STARD13: variants seen among roughly 807,000 people sequenced by gnomAD.
STARD13 encodes the protein StAR related lipid transfer domain containing 13, also known as stAR-related lipid transfer protein 13.
A neutral mutation model predicts 106.4 loss-of-function variants in STARD13; 62 were observed. The ratio of observed to expected loss-of-function variants is 0.58; its 90% CI spans 0.48 to 0.72. STARD13 has a LOEUF of 0.72. Among genes scored for constraint, STARD13 ranks in the 30% least tolerant of loss-of-function variants. The probability of loss-of-function intolerance (pLI) is 0.00; values close to 1 mark genes in which losing one functional copy is unlikely to be tolerated. For missense variants in STARD13, 1,387 were observed against 1,424.0 expected (o/e 0.97, Z 0.42); for synonymous variants, 565 against 553.0 (o/e 1.02, Z -0.31).
chr13:33,127,385 T>A lies in STARD13; in HGVS notation c.1910A>T (p.His637Leu), dbSNP rs968261356. The A allele has an allele frequency of 6.3e-7, 1 of 1,599,736 alleles. No homozygotes were observed. The highest frequency in any genetic ancestry group is 1.3e-5 in the African/African-American group (1 of 74,346). Reference sequence around the variant, plus strand: ...ATGTGCTACGCACCATGTCCAGCCGTGCTTGTTGGACATGGAGTGCTTCTC... The same window carrying A: ...ATGTGCTACGCACCATGTCCAGCCGAGCTTGTTGGACATGGAGTGCTTCTC... ...IMEKHSMSNKHGWTWSVPKFM... is the reference protein window; with the variant it reads ...IMEKHSMSNKLGWTWSVPKFM... Residue 637 changes from histidine (H) to leucine (L), a missense_variant, in exon 6 of 14, where the codon CAC becomes CTC. By Grantham distance (99) the His-to-Leu change is moderately conservative (BLOSUM62 -3). Transcript: ENST00000336934.
upstream of STARD13, among the ~76,000 whole-genome samples, chr13:33,351,741 A>G (rs945394983): frequency 2.6e-5 from 4 of 152,242 alleles, no homozygotes; most frequent in East Asian, 3.8e-4. Context: ...AAGCTGCCAC[A>G]TAAGAACCAA....
chr13:33,491,460 C>T, the STARD13 span, among the ~76,000 whole-genome samples: 7 of 151,970 alleles, frequency 4.6e-5, no homozygotes, highest in Non-Finnish European at 5.9e-5. Context: ...TTGTTTTTTT[C>T]TTTTTAAAAT....
At chr13:33,330,114 A>G (rs567928770) in intron 1 of STARD13, among the ~76,000 whole-genome samples, 2 of 152,112 alleles carry the variant, frequency 1.3e-5, no homozygotes, top group Non-Finnish European at 1.5e-5. Flanking sequence ...GCTCTTTACA[A>G]TCCTGTAGGA....
chr13:33,647,277 A>G, the STARD13 span, among the ~76,000 whole-genome samples: 1 of 152,166 alleles, frequency 6.6e-6, no homozygotes, highest in Non-Finnish European at 1.5e-5. Context: ...ATCCCATGGG[A>G]CTCAAAAAAA....
At chr13:33,244,348 C>G (rs1889716979) in intron 1 of STARD13, among the ~76,000 whole-genome samples, 1 of 152,032 alleles carries the variant, frequency 6.6e-6, no homozygotes, top group Non-Finnish European at 1.5e-5. Context: ...AATCCAGGTC[C>G]TCTGAACTTC....
chr13:33,434,453 C>T, the STARD13 span, among the ~76,000 whole-genome samples: 1 of 151,418 alleles, frequency 6.6e-6, no homozygotes, highest in Non-Finnish European at 1.5e-5. Flanking sequence ...ACATTTTTGA[C>T]CCTTACTGTT....
the STARD13 span, among the ~76,000 whole-genome samples, chr13:33,540,523 G>A: frequency 6.6e-6 from 1 of 152,282 alleles, no homozygotes; most frequent in East Asian, 1.9e-4. Flanking sequence ...ACACTACTTA[G>A]AACTTCTAGC....
chr13:33,238,730 A>G (rs1889318363), intron 1 of STARD13, among the ~76,000 whole-genome samples: 1 of 152,092 alleles, frequency 6.6e-6, no homozygotes, highest in Admixed American at 6.5e-5. Context: ...GAGTTGATTA[A>G]TTTGTAGCAA....
chr13:33,247,361 C>T (rs979984227), intron 1 of STARD13, among the ~76,000 whole-genome samples: 3 of 152,044 alleles, frequency 2.0e-5, no homozygotes, highest in African/African-American at 4.8e-5. Flanking sequence ...GTACTCAATT[C>T]AGCAGGCGAT....
the STARD13 span, among the ~76,000 whole-genome samples, chr13:33,442,059 C>G: frequency 3.9e-5 from 6 of 152,222 alleles, no homozygotes; most frequent in African/African-American, 1.2e-4. Context: ...GACTATTTGA[C>G]CTGGAATAAG....
the STARD13 span, among the ~76,000 whole-genome samples, chr13:33,511,870 G>A: frequency 6.6e-6 from 1 of 152,208 alleles, no homozygotes; most frequent in South Asian, 2.1e-4. Context: ...TTATACACTA[G>A]CCCCATGTAA....
At chr13:33,321,058 A>T (rs898183495) in intron 1 of STARD13, among the ~76,000 whole-genome samples, 2 of 152,216 alleles carry the variant, frequency 1.3e-5, no homozygotes, top group Non-Finnish European at 2.9e-5. Flanking sequence ...TTAAAATAAC[A>T]TTGAATGTAT....
intron 1 of STARD13, among the ~76,000 whole-genome samples, chr13:33,238,616 T>C (rs1889313074): frequency 6.6e-6 from 1 of 152,122 alleles, no homozygotes; most frequent in Admixed American, 6.5e-5. Flanking sequence ...CAAGGAACAG[T>C]AGAAAATCTA....
chr13:33,120,920 T>C (rs1876186719), intron 7 of STARD13, among the ~76,000 whole-genome samples: 1 of 152,138 alleles, frequency 6.6e-6, no homozygotes, highest in Non-Finnish European at 1.5e-5. Flanking sequence ...TTACATTTTT[T>C]AGTAGAGACA....
chr13:33,629,316 A>G, the STARD13 span, among the ~76,000 whole-genome samples: 1 of 152,258 alleles, frequency 6.6e-6, no homozygotes, highest in Admixed American at 6.5e-5. Flanking sequence ...GGACACTATT[A>G]CTTAGACTGT....
At chr13:33,663,948 C>T in the STARD13 span, among the ~76,000 whole-genome samples, 1,782 of 152,316 alleles carry the variant, frequency 0.012, 31 homozygotes, top group African/African-American at 0.039. Context: ...CAGTTCTGCC[C>T]TCATCACTCT....
intron 1 of STARD13, among the ~76,000 whole-genome samples, chr13:33,181,879 A>T (rs1594061011): frequency 6.6e-6 from 1 of 151,768 alleles, no homozygotes; most frequent in East Asian, 1.9e-4. Context: ...GTAATGAGAG[A>T]TTTAGTCTTG....
At chr13:33,271,633 G>A (rs1891166447) in intron 1 of STARD13, 1 of 152,252 alleles carries the variant, frequency 6.6e-6, no homozygotes, top group Non-Finnish European at 1.5e-5. Flanking sequence ...TGATGCCTTG[G>A]ACATTTACTT....
chr13:33,609,712 A>G, the STARD13 span, among the ~76,000 whole-genome samples: 3 of 151,608 alleles, frequency 2.0e-5, no homozygotes, highest in Admixed American at 6.6e-5. Context: ...GATTACAGGC[A>G]CCCACCACCA....
Sources: gnomAD v4.1 joint callset for allele counts (sites outside exome capture counted in the v4.1 genomes callset) on GRCh38, gnomAD v4.1.1 for gene constraint, MANE v1.5 for transcripts, NCBI Gene and HGNC (gene_info 2026-07-23, HGNC 2026-07-21) for gene names.